TLE4: variants seen among roughly 807,000 people sequenced by gnomAD.
TLE4 encodes the protein transducin-like enhancer protein 4.
A neutral mutation model predicts 92.8 loss-of-function variants in TLE4; 8 were observed. That is an observed-to-expected ratio of 0.09 (90% confidence interval 0.05 to 0.16). The LOEUF is 0.16. Among genes scored for constraint, TLE4 ranks in the 10% least tolerant of loss-of-function variants. TLE4 has a pLI of 1.00. For synonymous variants in TLE4, 371 were observed against 374.1 expected, an observed-to-expected ratio of 0.99 and a Z score of 0.10; for missense variants, 675 against 997.6, an observed-to-expected ratio of 0.68 and a Z score of 4.36.
intron 4 of TLE4, among the ~76,000 whole-genome samples, chr9:79,596,347 C>T (rs1435479642): frequency 6.6e-6 from 1 of 152,010 alleles, no homozygotes; most frequent in African/African-American, 2.4e-5. Context: ...TATCTGTTCA[C>T]CAAGAAAAGA....
chr9:79,630,197 T>C (rs922590661), intron 6 of TLE4, among the ~76,000 whole-genome samples: 32 of 152,182 alleles, frequency 2.1e-4, no homozygotes, highest in African/African-American at 7.5e-4. Context: ...CCTTTTTAAC[T>C]CTGCAATATT....
intron 16 of TLE4, among the ~76,000 whole-genome samples, chr9:79,721,323 C>G (rs965740802): frequency 6.6e-6 from 1 of 152,216 alleles, no homozygotes; most frequent in African/African-American, 2.4e-5. Flanking sequence ...AGGACTGGTC[C>G]TGTCGCTCCC....
intron 4 of TLE4, among the ~76,000 whole-genome samples, chr9:79,595,680 G>A (rs1432832233): frequency 6.6e-6 from 1 of 152,124 alleles, no homozygotes; most frequent in Admixed American, 6.5e-5. Flanking sequence ...GACGTATGTA[G>A]CATAGTTAAG....
intron 6 of TLE4, among the ~76,000 whole-genome samples, chr9:79,634,596 C>G (rs969607559): frequency 1.3e-5 from 2 of 152,120 alleles, no homozygotes; most frequent in Non-Finnish European, 2.9e-5. Context: ...CCACCACAAT[C>G]AAGATACAGG....
At chr9:79,593,373 A>T (rs2043156924) in intron 4 of TLE4, among the ~76,000 whole-genome samples, 1 of 152,146 alleles carries the variant, frequency 6.6e-6, no homozygotes, top group African/African-American at 2.4e-5. Flanking sequence ...TCTAGTACTA[A>T]TTTATAGGCA....
chr9:79,636,191 G>A lies in TLE4; in HGVS notation c.390+8743G>A, dbSNP rs541919246. 6.6e-5 allele frequency among the ~76,000 whole-genome samples: 10 copies of A among 152,190 alleles called. No individual in the cohort carries two copies. In the East Asian group the frequency reaches 1.4e-3, roughly 21 times the overall value. On this transcript the variant is annotated intron_variant, in intron 6 of 19. Transcript: ENST00000376552. ...GTGTGGTGGTGTCGTCTATATATAT[G>A]AGACTATATATAGTAGCTGAGACGC... is the stretch of plus-strand genomic sequence containing the variant.
At chr9:79,651,974 A>T (rs1321145988) in intron 6 of TLE4, among the ~76,000 whole-genome samples, 1 of 152,156 alleles carries the variant, frequency 6.6e-6, no homozygotes, top group Non-Finnish European at 1.5e-5. Context: ...AAAGCCTTTT[A>T]TGAGGTTTGT....
chr9:79,720,148 C>T lies in TLE4; in HGVS notation c.1693C>T (p.Pro565Ser), dbSNP rs754065954. 109 of 1,614,024 alleles carry T rather than the reference C, an allele frequency of 6.8e-5. No individual in the cohort carries two copies. The highest frequency in any genetic ancestry group is 1.6e-4 in the Middle Eastern group (1 of 6,084). ...STLSIWDLAA[P>S]TPRIKAELTS... The stretch of plus-strand genomic sequence containing the variant: ...TTTGTCCATTTGGGACCTGGCGGCT[C>T]CAACCCCACGCATCAAGGCAGAGCT... Residue 565 changes from proline to serine, a missense_variant, in exon 16 of 20, where the codon CCA becomes TCA. This residue lies in a region of TLE4 where 170 missense variants were observed against 359.6 expected (regional missense o/e 0.47). Coordinates refer to ENST00000376552, the MANE Select transcript of TLE4 (RefSeq NM_007005.6).
At chr9:79,599,249 A>T (rs2044931634) in intron 4 of TLE4, among the ~76,000 whole-genome samples, 1 of 152,054 alleles carries the variant, frequency 6.6e-6, no homozygotes, top group African/African-American at 2.4e-5. Context: ...CCATAGTCTG[A>T]CCCCAGTGAA....
rs1387295498 is a variant in TLE4 at position 79,725,675 on chromosome 9, T to G, written c.*531T>G. The stretch of plus-strand genomic sequence containing the variant: ...TGTTGCTGTGTTGTTATTAGGTTTT[T>G]TTTGTTTTTGTTTTCTACATCTTTT... On this transcript the variant is annotated 3_prime_UTR_variant, in exon 20 of 20. Transcript: ENST00000376552. 6.5e-6 allele frequency: 1 copy of G among 152,796 alleles called. No homozygotes were observed. Among genetic ancestry groups the G allele is most frequent in the Non-Finnish European group, 1.5e-5 (1 of 68,144 alleles). The allele number at this position is 152,796 out of a possible 1,614,324, so 9.5% of individuals were successfully genotyped here.
intron 6 of TLE4, among the ~76,000 whole-genome samples, chr9:79,634,786 G>T (rs1230475600): frequency 6.6e-6 from 1 of 152,106 alleles, no homozygotes; most frequent in Non-Finnish European, 1.5e-5. Flanking sequence ...TTAGCATAAG[G>T]CATTTGTGAT....
chr9:79,677,020 T>C (rs2063385964), intron 8 of TLE4, among the ~76,000 whole-genome samples: 1 of 152,106 alleles, frequency 6.6e-6, no homozygotes, highest in South Asian at 2.1e-4. Flanking sequence ...GAAGGTATAA[T>C]GGTATAAAAT....
chr9:79,577,781 C>T (rs2038349088), intron 4 of TLE4, among the ~76,000 whole-genome samples: 1 of 152,138 alleles, frequency 6.6e-6, no homozygotes, highest in Non-Finnish European at 1.5e-5. Context: ...TTTACCCTAA[C>T]CACTTAGTTT....
At chr9:79,671,879 C>A (rs1295947578) in intron 8 of TLE4, among the ~76,000 whole-genome samples, 1 of 150,188 alleles carries the variant, frequency 6.7e-6, no homozygotes, top group Non-Finnish European at 1.5e-5. Flanking sequence ...ATAGTGTGAT[C>A]CCTGGTTGCT....
intron 8 of TLE4, chr9:79,663,342 A>T (rs1708505044): frequency 6.6e-6 from 1 of 152,202 alleles, no homozygotes; most frequent in South Asian, 2.1e-4. Flanking sequence ...GAAGCTATTT[A>T]AAGTTAAAAT....
intron 5 of TLE4, among the ~76,000 whole-genome samples, chr9:79,623,755 G>A (rs1166742756): frequency 7.1e-6 from 1 of 140,856 alleles, no homozygotes; most frequent in African/African-American, 2.6e-5. Context: ...GCATTTTAAA[G>A]AATAAATAAT....
At chr9:79,636,654 C>T (rs1046160065) in intron 6 of TLE4, among the ~76,000 whole-genome samples, 1 of 152,090 alleles carries the variant, frequency 6.6e-6, no homozygotes, top group Non-Finnish European at 1.5e-5. Flanking sequence ...TCTTGGCTGG[C>T]ACTCTTTTTA....
At chr9:79,622,858 T>A (rs2051378633) in intron 5 of TLE4, among the ~76,000 whole-genome samples, 1 of 152,200 alleles carries the variant, frequency 6.6e-6, no homozygotes, top group Non-Finnish European at 1.5e-5. Flanking sequence ...TAAGATGTGC[T>A]CTGTGTATGA....
intron 12 of TLE4, 146 bp from the exon 13 acceptor site, chr9:79,708,447 A>G: frequency 9.3e-7 from 1 of 1,072,664 alleles, no homozygotes; most frequent in Non-Finnish European, 1.3e-6. Context: ...AAAGTGAATG[A>G]GTGAATTCTG....
Sources: gnomAD v4.1 joint callset for allele counts (sites outside exome capture counted in the v4.1 genomes callset) on GRCh38, gnomAD v4.1.1 for gene constraint, gnomAD v4.1.1 regional missense constraint, MANE v1.5 for transcripts, NCBI Gene and HGNC (gene_info 2026-07-23, HGNC 2026-07-21) for gene names.